The following NDST3 variants were observed in gnomAD, a reference collection of about 807,000 sequenced individuals.
NDST3 encodes the protein N-deacetylase and N-sulfotransferase 3, also known as bifunctional heparan sulfate N-deacetylase/N-sulfotransferase 3.
Under a neutral mutation model 96.1 loss-of-function variants are expected in NDST3, and 58 were observed. The ratio of observed to expected loss-of-function variants is 0.60; its 90% CI spans 0.49 to 0.75. NDST3 has a LOEUF of 0.75. Among genes scored for constraint, NDST3 ranks in the 30% least tolerant of loss-of-function variants. NDST3 has a pLI of 0.00. For synonymous variants in NDST3, 333 were observed against 359.7 expected (o/e 0.93, Z 0.84); for missense variants, 788 against 1,034.2 (o/e 0.76, Z 3.27).
chr4:118,160,840 T>C (rs1735059025), intron 6 of NDST3, among the ~76,000 whole-genome samples: 1 of 152,108 alleles, frequency 6.6e-6, no homozygotes, highest in African/African-American at 2.4e-5. Flanking sequence ...TCGGAGTAGT[T>C]TGATCGTCTG....
At chr4:118,163,201 C>T (rs1214114078) in intron 6 of NDST3, among the ~76,000 whole-genome samples, 1 of 152,128 alleles carries the variant, frequency 6.6e-6, no homozygotes, top group East Asian at 1.9e-4. Flanking sequence ...GGCAATTCCT[C>T]AGGGATCTAG....
At chr4:118,166,052 A>C (rs1036516032) in intron 6 of NDST3, among the ~76,000 whole-genome samples, 4 of 151,770 alleles carry the variant, frequency 2.6e-5, no homozygotes, top group Non-Finnish European at 1.5e-5. Context: ...ATTAGTAGAA[A>C]GGAAACAATA....
chr4:118,038,404 T>G lies in NDST3; in HGVS notation c.-156+3812T>G, dbSNP rs114136840. Among the ~76,000 whole-genome samples the G allele has an allele frequency of 4.4e-3, 663 of 152,282 alleles. 1 individual carries two copies. Among genetic ancestry groups the G allele is most frequent in the Non-Finnish European group, 6.8e-3 (460 of 67,996 alleles). ...TACAAAGATGGAGGGAGAATGATAA[T>G]AGAAAGTCATTTTCCATTTAATGTA... On this transcript the variant is annotated intron_variant, in intron 1 of 13. Coordinates refer to ENST00000296499, the MANE Select transcript of NDST3 (RefSeq NM_004784.3).
At chr4:118,132,957 T>C (rs1389271929) in intron 4 of NDST3, among the ~76,000 whole-genome samples, 1 of 152,184 alleles carries the variant, frequency 6.6e-6, no homozygotes, top group Non-Finnish European at 1.5e-5. Flanking sequence ...TCCTCTTTAC[T>C]CTTTGCTCTC....
chr4:118,148,233 G>T (rs2125912221), intron 6 of NDST3, among the ~76,000 whole-genome samples: 1 of 152,330 alleles, frequency 6.6e-6, no homozygotes, highest in Non-Finnish European at 1.5e-5. Context: ...AGGAGGCAGA[G>T]GTTGCAGTGA....
intron 6 of NDST3, among the ~76,000 whole-genome samples, chr4:118,160,307 G>A (rs1007675475): frequency 6.6e-6 from 1 of 152,092 alleles, no homozygotes; most frequent in Non-Finnish European, 1.5e-5. Context: ...ACTATAGCCT[G>A]CAAAATTGTC....
chr4:118,037,929 T>C (rs990095833), intron 1 of NDST3, among the ~76,000 whole-genome samples: 4 of 152,208 alleles, frequency 2.6e-5, no homozygotes, highest in African/African-American at 9.6e-5. Flanking sequence ...TTTTCATTAT[T>C]CGTTTCTACT....
At chr4:118,186,470 T>G (rs1369151102) in intron 6 of NDST3, among the ~76,000 whole-genome samples, 1 of 152,128 alleles carries the variant, frequency 6.6e-6, no homozygotes, top group Admixed American at 6.6e-5. Context: ...GCTGAAGGAC[T>G]TGGAGTCTAA....
chr4:118,118,801 A>T (rs1578672395), intron 4 of NDST3, among the ~76,000 whole-genome samples: 2 of 152,176 alleles, frequency 1.3e-5, no homozygotes, highest in South Asian at 4.1e-4. Context: ...ATTAATAATG[A>T]CCTACCACAA....
intron 5 of NDST3, among the ~76,000 whole-genome samples, chr4:118,141,429 C>T (rs541695723): frequency 3.9e-5 from 6 of 152,310 alleles, no homozygotes; most frequent in African/African-American, 1.4e-4. Context: ...GGTCCACTGA[C>T]TCCCGCTAGG....
chr4:118,092,610 C>T (rs1285198978), intron 2 of NDST3, among the ~76,000 whole-genome samples: 1 of 151,662 alleles, frequency 6.6e-6, no homozygotes, highest in Non-Finnish European at 1.5e-5. Context: ...TTTTTGGCCC[C>T]AGAAATGTAC....
intron 12 of NDST3, among the ~76,000 whole-genome samples, chr4:118,248,248 G>T (rs1350289322): frequency 6.6e-6 from 1 of 152,128 alleles, no homozygotes; most frequent in East Asian, 1.9e-4. Context: ...CAACTCGGGA[G>T]GCTGAGGCAG....
At chr4:118,244,393 T>C (rs1379454893) in intron 12 of NDST3, among the ~76,000 whole-genome samples, 1 of 152,250 alleles carries the variant, frequency 6.6e-6, no homozygotes, top group Non-Finnish European at 1.5e-5. Context: ...ATGCCATTTA[T>C]ACCAGTTTGT....
chr4:118,090,847 T>C (rs531714914), intron 2 of NDST3, among the ~76,000 whole-genome samples: 29 of 151,960 alleles, frequency 1.9e-4, no homozygotes, highest in Admixed American at 1.4e-3. Context: ...CTTTATAACA[T>C]AGAAGAGTTT....
At chr4:118,168,035 C>T (rs917232494) in intron 6 of NDST3, among the ~76,000 whole-genome samples, 24 of 151,706 alleles carry the variant, frequency 1.6e-4, no homozygotes, top group African/African-American at 5.6e-4. Context: ...AAAGCACATG[C>T]CACAAAAGCA....
At chr4:118,130,997 C>T (rs1483922747) in intron 4 of NDST3, among the ~76,000 whole-genome samples, 1 of 152,142 alleles carries the variant, frequency 6.6e-6, no homozygotes, top group Non-Finnish European at 1.5e-5. Context: ...ATTTAGGATT[C>T]TGTCTTTGTC....
chr4:118,194,084 TC>T, intron 6 of NDST3: 2 of 1,440,556 alleles, frequency 1.4e-6, no homozygotes, highest in Non-Finnish European at 9.7e-7. Flanking sequence ...TTGGAACTTT[TC>T]CTTCCTAACA....
intron 6 of NDST3, chr4:118,194,386 G>A: frequency 1.4e-6 from 1 of 730,772 alleles, no homozygotes; most frequent in Non-Finnish European, 2.6e-6. Flanking sequence ...GTGGCATTGG[G>A]GAGATCTTTG....
chr4:118,118,301 G>C (rs1390400165), intron 4 of NDST3, among the ~76,000 whole-genome samples: 1 of 152,166 alleles, frequency 6.6e-6, no homozygotes, highest in Non-Finnish European at 1.5e-5. Context: ...GGGCTGTCTT[G>C]GGAGCAAATA....
Sources: allele counts gnomAD v4.1 joint callset (sites outside exome capture counted in the v4.1 genomes callset), GRCh38; gene constraint gnomAD v4.1.1; transcripts MANE v1.5; gene names NCBI Gene and HGNC (gene_info 2026-07-23, HGNC 2026-07-21).